The following JAKMIP2 variants were observed in gnomAD, a reference collection of about 807,000 sequenced individuals.
JAKMIP2 encodes janus kinase and microtubule-interacting protein 2.
In JAKMIP2, 25 loss-of-function variants were observed where a neutral mutation model predicts 115.0. The ratio of observed to expected loss-of-function variants is 0.22; its 90% CI spans 0.16 to 0.30. The LOEUF (loss-of-function observed/expected upper bound fraction) is 0.30, where lower values mean the gene tolerates loss of function less well. Among genes scored for constraint, JAKMIP2 ranks in the 10% least tolerant of loss-of-function variants. JAKMIP2 has a pLI of 1.00. For synonymous variants in JAKMIP2, 334 were observed against 343.6 expected (o/e 0.97, Z 0.31); for missense variants, 642 against 957.6 (o/e 0.67, Z 4.35).
intron 16 of JAKMIP2, among the ~76,000 whole-genome samples, chr5:147,625,170 G>T (rs1429766676): frequency 1.3e-5 from 2 of 151,908 alleles, no homozygotes; most frequent in Non-Finnish European, 2.9e-5. Context: ...TAGTAGAGAC[G>T]GGGTTTCACC....
intron 20 of JAKMIP2, among the ~76,000 whole-genome samples, chr5:147,608,758 A>G (rs975529926): frequency 2.0e-5 from 3 of 152,254 alleles, no homozygotes; most frequent in African/African-American, 7.2e-5. Flanking sequence ...TGATTAGTCT[A>G]ATATTGACAG....
At chr5:147,751,256 G>GTTTTTTTTTTTTTTTTTTTTTTTTT (rs59032563) in intron 1 of JAKMIP2, among the ~76,000 whole-genome samples, 1 of 131,586 alleles carries the variant, frequency 7.6e-6, no homozygotes, top group East Asian at 2.3e-4. Context: ...TTTTGTTGTT[G>GTTTTTTTTTTTTTTTTTTTTTTTTT]TTTTTTTTTT....
chr5:147,750,623 G>A (rs1580875664), intron 1 of JAKMIP2, among the ~76,000 whole-genome samples: 1 of 149,762 alleles, frequency 6.7e-6, no homozygotes, highest in East Asian at 2.0e-4. Flanking sequence ...TGAAATTGCA[G>A]CATTTGAAGG....
At chr5:147,722,774 C>G (rs770338925) in intron 1 of JAKMIP2, among the ~76,000 whole-genome samples, 3 of 152,122 alleles carry the variant, frequency 2.0e-5, no homozygotes, top group Non-Finnish European at 4.4e-5. Context: ...ATTTACTGTT[C>G]TCTTGATGCC....
chr5:147,631,461 T>C lies in JAKMIP2; in HGVS notation c.1827A>G (p.Ser609=), dbSNP rs149911823. The stretch of plus-strand genomic sequence containing the variant: ...AGATCTGTAGAGCACTCACACCATC[T>C]GAGAATGGGTGAATTTGGAGATTAA... ...PPFNLQIHPF[S]DGVSALQIYC... Residue 609 remains serine (S), a synonymous_variant, in exon 14 of 22, where the codon TCA becomes TCG. Transcript: ENST00000616793. The C allele has an allele frequency of 5.7e-3, 9,124 of 1,612,046 alleles. 29 individuals are homozygous for C. Among genetic ancestry groups the C allele is most frequent in the Non-Finnish European group, 6.9e-3 (8,149 of 1,178,212 alleles).
chr5:147,684,661 C>T (rs1580778361), intron 1 of JAKMIP2, among the ~76,000 whole-genome samples: 1 of 152,126 alleles, frequency 6.6e-6, no homozygotes, highest in East Asian at 1.9e-4. Flanking sequence ...CTATGTATGT[C>T]TTGCCTGCCT....
chr5:147,690,708 C>T (rs1474091845), intron 1 of JAKMIP2, among the ~76,000 whole-genome samples: 1 of 151,902 alleles, frequency 6.6e-6, no homozygotes, highest in Non-Finnish European at 1.5e-5. Flanking sequence ...CTGGATGCCT[C>T]ACATGGTTCA....
intron 1 of JAKMIP2, among the ~76,000 whole-genome samples, chr5:147,749,847 A>T (rs1395913232): frequency 6.6e-6 from 1 of 152,242 alleles, no homozygotes; most frequent in Non-Finnish European, 1.5e-5. Flanking sequence ...TAAGAAGCTC[A>T]GCCCTGAAAT....
chr5:147,616,660 G>A lies in JAKMIP2; in HGVS notation c.2346+1251C>T, dbSNP rs78354082. ...AAAAGAATGCATGAAGCAATGCAAT[G>A]ATGGCATAGAGTCTATTATTAAAGA... is the stretch of plus-strand genomic sequence containing the variant. On this transcript the variant is annotated intron_variant, in intron 19 of 21. Transcript: ENST00000616793. Among the ~76,000 whole-genome samples the A allele has an allele frequency of 7.2e-5, 11 of 152,296 alleles. No individual in the cohort carries two copies. In the East Asian group the frequency reaches 2.1e-3, roughly 29 times the overall value.
intron 1 of JAKMIP2, among the ~76,000 whole-genome samples, chr5:147,687,007 T>C (rs567993314): frequency 4.7e-4 from 71 of 152,258 alleles, no homozygotes; most frequent in African/African-American, 1.6e-3. Context: ...GGAGCCATTG[T>C]TTTCTTTTTG....
intron 2 of JAKMIP2, among the ~76,000 whole-genome samples, chr5:147,669,370 G>C (rs534539908): frequency 6.6e-6 from 1 of 152,166 alleles, no homozygotes; most frequent in Admixed American, 6.5e-5. Context: ...CATTTAAGAG[G>C]CTGGCTGCCA....
At chr5:147,607,041 T>C (rs1756054555) in intron 20 of JAKMIP2, among the ~76,000 whole-genome samples, 1 of 152,236 alleles carries the variant, frequency 6.6e-6, no homozygotes, top group Non-Finnish European at 1.5e-5. Flanking sequence ...GAGAGTTTGC[T>C]GAAGTTGCTT....
At chr5:147,677,435 A>G (rs1760030001) in intron 1 of JAKMIP2, among the ~76,000 whole-genome samples, 1 of 152,216 alleles carries the variant, frequency 6.6e-6, no homozygotes, top group South Asian at 2.1e-4. Flanking sequence ...TTATTTAGGA[A>G]CTGGCACAAA....
At chr5:147,766,166 A>C (rs952537440) in intron 1 of JAKMIP2, among the ~76,000 whole-genome samples, 1 of 152,136 alleles carries the variant, frequency 6.6e-6, no homozygotes, top group Non-Finnish European at 1.5e-5. Context: ...TCCCTCAAAG[A>C]GACACTGTAG....
intron 21 of JAKMIP2, among the ~76,000 whole-genome samples, chr5:147,597,182 C>T (rs775124086): frequency 6.6e-6 from 1 of 151,916 alleles, no homozygotes; most frequent in Admixed American, 6.6e-5. Flanking sequence ...CGCGCCTGGC[C>T]GATCGTACTA....
At chr5:147,655,891 G>A (rs535712964) in intron 3 of JAKMIP2, among the ~76,000 whole-genome samples, 150 of 152,202 alleles carry the variant, frequency 9.9e-4, no homozygotes, top group Non-Finnish European at 3.5e-4. Flanking sequence ...CTGGTACATT[G>A]TCTCTCTGTT....
intron 1 of JAKMIP2, among the ~76,000 whole-genome samples, chr5:147,732,928 C>A (rs779070100): frequency 3.3e-5 from 5 of 152,154 alleles, no homozygotes; most frequent in Non-Finnish European, 5.9e-5. Context: ...TATTAGAATT[C>A]TTCTGTCTTC....
intron 21 of JAKMIP2, among the ~76,000 whole-genome samples, chr5:147,598,425 C>CATCTATCTATCTATCTATCTATCT (rs71001444): frequency 8.1e-5 from 12 of 148,454 alleles, no homozygotes; most frequent in African/African-American, 2.5e-4. Context: ...CTCTCATTTT[C>CATCTATCTATCTATCTATCTATCT]ATCTATCTAT....
At chr5:147,736,795 T>G (rs1753941565) in intron 1 of JAKMIP2, among the ~76,000 whole-genome samples, 2 of 152,184 alleles carry the variant, frequency 1.3e-5, no homozygotes, top group Non-Finnish European at 2.9e-5. Flanking sequence ...TTAGGGTCAA[T>G]CTTCACATAT....
Sources: allele counts gnomAD v4.1 joint callset (sites outside exome capture counted in the v4.1 genomes callset), GRCh38; gene constraint gnomAD v4.1.1; transcripts MANE v1.5; gene names NCBI Gene and HGNC (gene_info 2026-07-23, HGNC 2026-07-21).